Variants in FARP1 observed in about 807,000 individuals in gnomAD.
FARP1 encodes FERM, ARH/RhoGEF and pleckstrin domain protein 1, also known as FERM, ARHGEF and pleckstrin domain-containing protein 1.
FARP1 carries 52 observed loss-of-function variants against 128.8 expected under a neutral mutation model. That is an observed-to-expected ratio of 0.40 (90% CI 0.32 to 0.51). The LOEUF is 0.51. FARP1 is among the 20% of genes least tolerant of loss of function. The probability of loss-of-function intolerance (pLI) is 0.45; values close to 1 mark genes in which losing one functional copy is unlikely to be tolerated. For synonymous variants in FARP1, 580 were observed against 551.8 expected (o/e 1.05, Z -0.72); for missense variants, 1,333 against 1,367.9 (o/e 0.97, Z 0.40).
chr13:98,422,631 T>A (rs1318281667), intron 16 of FARP1, among the ~76,000 whole-genome samples: 1 of 152,214 alleles, frequency 6.6e-6, no homozygotes, highest in Non-Finnish European at 1.5e-5. Context: ...TAAATAATGC[T>A]GTTGATTGCC....
chr13:98,443,551 C>G (rs1253714299), intron 24 of FARP1, among the ~76,000 whole-genome samples: 1 of 152,264 alleles, frequency 6.6e-6, no homozygotes, highest in African/African-American at 2.4e-5. Context: ...CGTGCCCAGC[C>G]TCTCCCAGTT....
At chr13:98,413,503 A>C (rs1227558613) in intron 16 of FARP1, among the ~76,000 whole-genome samples, 2 of 152,132 alleles carry the variant, frequency 1.3e-5, no homozygotes, top group Non-Finnish European at 2.9e-5. Flanking sequence ...CAACAAAAAA[A>C]CATTTAATTA....
At chr13:98,160,422 C>T (rs187394449) in intron 1 of FARP1, among the ~76,000 whole-genome samples, 7 of 152,182 alleles carry the variant, frequency 4.6e-5, no homozygotes, top group African/African-American at 1.7e-4. Flanking sequence ...TAATGTATTT[C>T]ACATGAGAAT....
intron 1 of FARP1, among the ~76,000 whole-genome samples, chr13:98,164,878 G>C (rs975754965): frequency 6.6e-6 from 1 of 151,694 alleles, no homozygotes; most frequent in Non-Finnish European, 1.5e-5. Flanking sequence ...TCAGGAGTTC[G>C]AGACCAGCCT....
chr13:98,358,702 C>A (rs1257154423), intron 3 of FARP1, among the ~76,000 whole-genome samples: 1 of 151,962 alleles, frequency 6.6e-6, no homozygotes, highest in African/African-American at 2.4e-5. Context: ...ATGGCGCGAT[C>A]TTGGCTCACT....
At position 98,438,618 on chromosome 13, in the gene FARP1, A is replaced by T. The variant is rs187351191; in HGVS notation, c.2275-186A>T. ...ATCGCAGCTGAGTGCTGTAACTTCC[A>T]CCATGCAAGGGACCCAGGTGGGAGG... is the stretch of plus-strand genomic sequence containing the variant. On this transcript the variant is annotated intron_variant, in intron 19 of 26. Coordinates refer to ENST00000319562, the MANE Select transcript of FARP1 (RefSeq NM_005766.4). 3.4e-3 allele frequency among the ~76,000 whole-genome samples: 519 copies of T among 152,238 alleles called. 8 individuals are homozygous for T. The highest frequency in any genetic ancestry group is 0.012 in the African/African-American group (493 of 41,538).
intron 2 of FARP1, among the ~76,000 whole-genome samples, chr13:98,228,654 G>C (rs2058029497): frequency 6.6e-6 from 1 of 152,194 alleles, no homozygotes; most frequent in African/African-American, 2.4e-5. Context: ...GATTTCCCCG[G>C]TTGCCAGAGT....
At chr13:98,242,563 C>T (rs991475129) in intron 2 of FARP1, among the ~76,000 whole-genome samples, 3 of 152,096 alleles carry the variant, frequency 2.0e-5, no homozygotes, top group African/African-American at 7.2e-5. Flanking sequence ...CCTATAGTCC[C>T]AGCTGCTTAG....
chr13:98,218,039 A>T (rs928881759), intron 2 of FARP1, among the ~76,000 whole-genome samples: 1 of 152,108 alleles, frequency 6.6e-6, no homozygotes, highest in African/African-American at 2.4e-5. Flanking sequence ...CTGGGCACTA[A>T]GAGCCGCCTC....
chr13:98,165,443 A>G lies in FARP1; in HGVS notation c.-24+21951A>G, dbSNP rs566893395. Among the ~76,000 whole-genome samples, 8 of 152,196 alleles carry G rather than the reference A, an allele frequency of 5.3e-5. No homozygotes were observed. The East Asian group carries it at 9.7e-4, about 18-fold the overall frequency. ...TGCTCCTCTGTGCCCAAAGGTGGAC[A>G]TGCATTGATTTTTAAACCCCACCAA... On this transcript the variant is annotated intron_variant, in intron 1 of 26. Transcript: ENST00000319562.
chr13:98,289,062 A>G (rs902219140), intron 2 of FARP1, among the ~76,000 whole-genome samples: 4 of 151,780 alleles, frequency 2.6e-5, no homozygotes, highest in African/African-American at 4.8e-5. Flanking sequence ...CGTGTACTCA[A>G]ATATTCAATG....
At chr13:98,269,925 T>C (rs1347862091) in intron 2 of FARP1, among the ~76,000 whole-genome samples, 2 of 152,134 alleles carry the variant, frequency 1.3e-5, no homozygotes, top group African/African-American at 4.8e-5. Flanking sequence ...GAGACGGGCC[T>C]GAGCAACATG....
At chr13:98,287,792 A>G (rs1684714946) in intron 2 of FARP1, among the ~76,000 whole-genome samples, 2 of 139,268 alleles carry the variant, frequency 1.4e-5, no homozygotes, top group Admixed American at 1.6e-4. Flanking sequence ...GCCATGTCCC[A>G]GGCACTTCTT....
chr13:98,346,011 G>A (rs962992870), intron 3 of FARP1, among the ~76,000 whole-genome samples: 3 of 152,050 alleles, frequency 2.0e-5, no homozygotes, highest in African/African-American at 7.2e-5. Context: ...TGATGAGGAA[G>A]TTAAGCCTTA....
intron 5 of FARP1, among the ~76,000 whole-genome samples, chr13:98,368,486 C>G (rs753338688): frequency 2.6e-5 from 4 of 152,182 alleles, no homozygotes; most frequent in African/African-American, 4.8e-5. Flanking sequence ...ATGGACTGTT[C>G]TGGATGTGAA....
At chr13:98,323,925 G>C (rs1477543573) in intron 2 of FARP1, among the ~76,000 whole-genome samples, 1 of 152,134 alleles carries the variant, frequency 6.6e-6, no homozygotes, top group Non-Finnish European at 1.5e-5. Context: ...GAGCAATTAA[G>C]TACTCAAGAA....
rs1323383285 is a variant in FARP1 at position 98,308,031 on chromosome 13, CTCTTTTTTTTTTTTTTTT to C, written c.172-35729_172-35712del. Among the ~76,000 whole-genome samples the C allele has an allele frequency of 9.5e-4, 10 of 10,534 alleles. 1 individual carries two copies. Among genetic ancestry groups the C allele is most frequent in the Admixed American group, 1.9e-3 (1 of 526 alleles). The allele number at this position is 10,534 out of a possible 152,430, so 6.9% of individuals were successfully genotyped here. A position where few individuals can be genotyped will look rare whatever the true frequency, so the allele number is the denominator to read the frequency against. On this transcript the variant is annotated intron_variant, in intron 2 of 26. Transcript: ENST00000319562. Reference sequence around the variant, plus strand: ...CCCCCTCCGCCCGCCCCCACTCTCTCTCTTTTTTTTTTTTTTTTTTTTTTTTTTTTTTTTGCTAAATGC... The same window carrying C: ...CCCCCTCCGCCCGCCCCCACTCTCTCTTTTTTTTTTTTTTTTGCTAAATGC...
chr13:98,250,645 C>G (rs905489706), intron 2 of FARP1, among the ~76,000 whole-genome samples: 1 of 150,844 alleles, frequency 6.6e-6, no homozygotes, highest in African/African-American at 2.4e-5. Context: ...CGCTTGAACC[C>G]GAGAGGCAGA....
chr13:98,395,983 C>T (rs1288088806), intron 13 of FARP1: 1 of 399,076 alleles, frequency 2.5e-6, no homozygotes, highest in Admixed American at 4.4e-5. Flanking sequence ...AGAAGACACT[C>T]TCCCGGACCA....
Sources: gnomAD v4.1 joint callset for allele counts (sites outside exome capture counted in the v4.1 genomes callset) on GRCh38, gnomAD v4.1.1 for gene constraint, MANE v1.5 for transcripts, NCBI Gene and HGNC (gene_info 2026-07-23, HGNC 2026-07-21) for gene names.